Variants in MED13L observed in about 807,000 individuals in gnomAD.
The protein encoded by MED13L is mediator of RNA polymerase II transcription subunit 13-like.
In MED13L, 7 loss-of-function variants were observed where a neutral mutation model predicts 220.9. The ratio of observed to expected loss-of-function variants is 0.03; its 90% CI spans 0.02 to 0.06. The LOEUF is 0.06. Ranked by LOEUF, MED13L falls within the 10% of genes least tolerant of loss-of-function variation. The pLI is 1.00. For synonymous variants in MED13L, 1,011 were observed against 1,015.2 expected (o/e 1.00, Z 0.08); for missense variants, 1,965 against 2,760.5 (o/e 0.71, Z 6.46).
At chr12:116,228,635 T>C (rs1436128759) in intron 2 of MED13L, among the ~76,000 whole-genome samples, 1 of 152,234 alleles carries the variant, frequency 6.6e-6, no homozygotes, top group Non-Finnish European at 1.5e-5. Context: ...TAAAATAATG[T>C]GAACAGTACA....
chr12:116,000,454 A>C (rs557541037), intron 14 of MED13L, among the ~76,000 whole-genome samples: 2 of 152,316 alleles, frequency 1.3e-5, no homozygotes, highest in South Asian at 4.1e-4. Context: ...GCTCCTGCCC[A>C]GCACTTTATG....
chr12:115,972,571 C>T (rs997892848), intron 25 of MED13L: 2 of 343,268 alleles, frequency 5.8e-6, no homozygotes, highest in Non-Finnish European at 1.1e-5. Flanking sequence ...GCTGCCCTAT[C>T]CTTTCTCCTC....
chr12:115,980,226 TA>T (rs529069973), intron 23 of MED13L, among the ~76,000 whole-genome samples: 1 of 151,966 alleles, frequency 6.6e-6, no homozygotes, highest in East Asian at 1.9e-4. Context: ...AAGTCCTACA[TA>T]AAAAAAACAG....
intron 3 of MED13L, among the ~76,000 whole-genome samples, chr12:116,098,554 A>T (rs1451970495): frequency 6.6e-6 from 1 of 152,024 alleles, no homozygotes; most frequent in Non-Finnish European, 1.5e-5. Context: ...CCCTCACCCA[A>T]CTCATTACAG....
chr12:116,002,817 T>C (rs1336163685), intron 14 of MED13L, among the ~76,000 whole-genome samples, 186 bp downstream of exon 14: 1 of 152,212 alleles, frequency 6.6e-6, no homozygotes, highest in Non-Finnish European at 1.5e-5. Flanking sequence ...ATTAAGATGG[T>C]TTCTGTATAT....
intron 3 of MED13L, among the ~76,000 whole-genome samples, chr12:116,102,710 CTTTTTTTTTTTTTTTT>C (rs869201518): frequency 2.9e-5 from 2 of 68,676 alleles, no homozygotes; most frequent in African/African-American, 5.7e-5. Flanking sequence ...TTTCTTTTTT[CTTTTTTTTTTTTTTTT>C]TTTTTTTTTT....
chr12:116,212,407 C>T (rs2138356804), intron 2 of MED13L, among the ~76,000 whole-genome samples: 1 of 152,220 alleles, frequency 6.6e-6, no homozygotes, highest in South Asian at 2.1e-4. Context: ...AGAATAACAG[C>T]CTCTCTCACA....
chr12:116,025,694 G>A (rs1447712869), intron 4 of MED13L, among the ~76,000 whole-genome samples: 12 of 152,116 alleles, frequency 7.9e-5, no homozygotes, highest in Admixed American at 7.9e-4. Flanking sequence ...TATAAGTAGA[G>A]AACAGAATTG....
chr12:116,237,071 G>A (rs757086468), intron 2 of MED13L, among the ~76,000 whole-genome samples: 7 of 152,048 alleles, frequency 4.6e-5, no homozygotes, highest in Non-Finnish European at 8.8e-5. Context: ...TTCCACCAAA[G>A]AGTTCAGCTG....
intron 2 of MED13L, among the ~76,000 whole-genome samples, chr12:116,117,397 G>A (rs1299052179): frequency 6.6e-6 from 1 of 152,038 alleles, no homozygotes; most frequent in East Asian, 1.9e-4. Flanking sequence ...CAAACGCGCA[G>A]AAATATTATT....
chr12:116,189,137 T>C (rs1478777317), intron 2 of MED13L, among the ~76,000 whole-genome samples: 1 of 152,186 alleles, frequency 6.6e-6, no homozygotes, highest in Non-Finnish European at 1.5e-5. Flanking sequence ...CCAAACAGTT[T>C]TTATACACCC....
intron 2 of MED13L, among the ~76,000 whole-genome samples, chr12:116,156,701 A>C (rs1878469565): frequency 6.6e-6 from 1 of 152,236 alleles, no homozygotes; most frequent in Non-Finnish European, 1.5e-5. Context: ...AATATATTTT[A>C]TCTGAAGTGT....
intron 2 of MED13L, among the ~76,000 whole-genome samples, chr12:116,148,200 T>C (rs1455805218): frequency 6.6e-6 from 1 of 152,030 alleles, no homozygotes; most frequent in Non-Finnish European, 1.5e-5. Context: ...TATTTAGTTC[T>C]GAAGATTAAT....
chr12:116,115,310 A>G (rs1219598715), intron 2 of MED13L, among the ~76,000 whole-genome samples: 1 of 152,200 alleles, frequency 6.6e-6, no homozygotes, highest in Non-Finnish European at 1.5e-5. Context: ...GTAAAGGAAG[A>G]AAAGAAAAAG....
chr12:116,136,452 G>C (rs1243672010), intron 2 of MED13L, among the ~76,000 whole-genome samples: 2 of 152,182 alleles, frequency 1.3e-5, no homozygotes, highest in Admixed American at 6.5e-5. Flanking sequence ...ATGTGTGTGT[G>C]TATGAGAGAG....
intron 4 of MED13L, among the ~76,000 whole-genome samples, chr12:116,080,245 T>C (rs775859915): frequency 2.0e-4 from 31 of 152,142 alleles, no homozygotes; most frequent in Non-Finnish European, 3.4e-4. Context: ...AGGGTTTGGA[T>C]AAACAGAGTA....
intron 1 of MED13L, among the ~76,000 whole-genome samples, chr12:116,240,781 C>T (rs1870560569): frequency 1.3e-5 from 2 of 151,684 alleles, no homozygotes; most frequent in Non-Finnish European, 2.9e-5. Flanking sequence ...CCCACCTCCG[C>T]CTCCCAAAGT....
At chr12:116,223,869 T>C (rs1374669830) in intron 2 of MED13L, among the ~76,000 whole-genome samples, 1 of 152,196 alleles carries the variant, frequency 6.6e-6, no homozygotes, top group Non-Finnish European at 1.5e-5. Flanking sequence ...TCATCATGTT[T>C]TCCTATGTGT....
chr12:116,003,989 TCTC>T (rs1247321560), intron 13 of MED13L, among the ~76,000 whole-genome samples: 1 of 152,138 alleles, frequency 6.6e-6, no homozygotes, highest in Non-Finnish European at 1.5e-5. Context: ...AATGTCCAAT[TCTC>T]CTTTTCATGT....
Sources: gnomAD v4.1 joint callset for allele counts (sites outside exome capture counted in the v4.1 genomes callset) on GRCh38, gnomAD v4.1.1 for gene constraint, MANE v1.5 for transcripts, NCBI Gene and HGNC (gene_info 2026-07-23, HGNC 2026-07-21) for gene names.